Variants in PLS3 observed in about 807,000 individuals in gnomAD.
PLS3 encodes plastin-3.
A neutral mutation model predicts 46.5 loss-of-function variants in PLS3; 11 were observed. That is an observed-to-expected ratio of 0.24 (90% CI 0.15 to 0.39). The LOEUF is 0.39. Ranked by LOEUF, PLS3 falls within the 10% of genes least tolerant of loss-of-function variation. The pLI, the probability that PLS3 is intolerant of heterozygous loss-of-function variation, is 1.00. For synonymous variants in PLS3, 167 were observed against 162.2 expected (o/e 1.03, Z -0.22); for missense variants, 308 against 461.8 (o/e 0.67, Z 3.05).
chrX:115,607,781 G>A (rs2074508963), intron 1 of PLS3, among the ~76,000 whole-genome samples: 1 of 112,109 alleles, frequency 8.9e-6, no homozygotes, highest in South Asian at 3.7e-4. Context: ...GGGATTACAG[G>A]CGTGAGCCAG....
At chrX:115,595,366 T>A (rs2147451278) in intron 1 of PLS3, among the ~76,000 whole-genome samples, 1 of 111,575 alleles carries the variant, frequency 9.0e-6, no homozygotes, top group East Asian at 2.8e-4. Context: ...TAGCTAATGA[T>A]CAATTATAGC....
chrX:115,595,766 G>T (rs1309164838), intron 1 of PLS3, among the ~76,000 whole-genome samples: 1 of 94,681 alleles, frequency 1.1e-5, no homozygotes, highest in Non-Finnish European at 2.0e-5. Context: ...CTTGGCTCAT[G>T]CAACCTCCAC....
chrX:115,562,734 G>T (rs2074147771), intron 1 of PLS3: 1 of 111,068 alleles, frequency 9.0e-6, no homozygotes, highest in Admixed American at 9.6e-5. Context: ...ATACCAGTTG[G>T]AATCACGTGC....
rs782583925 is a variant in PLS3 at position 115,646,545 on chromosome X, A to T, written c.1511+10A>T. On this transcript the variant is annotated intron_variant, in intron 13 of 15. Transcript: ENST00000355899. Reference sequence around the variant, plus strand: ...GGCAGCTGATGAGAAGGTATAGTACACAATTTTAGCTGTTTAGTCTTTACT... The same window carrying T: ...GGCAGCTGATGAGAAGGTATAGTACTCAATTTTAGCTGTTTAGTCTTTACT... The T allele has an allele frequency of 1.7e-6, 2 of 1,201,411 alleles. No homozygotes were observed. The highest frequency in any genetic ancestry group is 5.9e-5 in the East Asian group (2 of 33,659).
At chrX:115,616,037 T>G (rs114381259) in intron 2 of PLS3, among the ~76,000 whole-genome samples, 4,263 of 111,931 alleles carry the variant, frequency 0.038, 202 homozygotes, top group African/African-American at 0.13. Context: ...CTGCCATCAT[T>G]CCTGGTGGTT....
chrX:115,622,905 G>A (rs1332998442), intron 3 of PLS3, among the ~76,000 whole-genome samples: 3 of 111,594 alleles, frequency 2.7e-5, no homozygotes, highest in Non-Finnish European at 5.6e-5. Flanking sequence ...ATAATTAAAA[G>A]TTTGAAGCAT....
At chrX:115,601,959 C>A (rs1393261427) in intron 1 of PLS3, among the ~76,000 whole-genome samples, 1 of 111,909 alleles carries the variant, frequency 8.9e-6, no homozygotes, top group African/African-American at 3.2e-5. Context: ...TTGGCCACTT[C>A]TAAATTGGAC....
At chrX:115,573,181 T>G (rs186984590) in intron 1 of PLS3, among the ~76,000 whole-genome samples, 12 of 110,387 alleles carry the variant, frequency 1.1e-4, no homozygotes, top group Non-Finnish European at 1.9e-4. Context: ...ATAAAATAAT[T>G]TCTAAATATA....
At chrX:115,582,046 T>C (rs1461476607) in intron 1 of PLS3, among the ~76,000 whole-genome samples, 1 of 112,414 alleles carries the variant, frequency 8.9e-6, no homozygotes, top group African/African-American at 3.2e-5. Flanking sequence ...TGGTACTCAT[T>C]GTAAACATAT....
chrX:115,648,435 G>C (rs1556642049), intron 15 of PLS3, among the ~76,000 whole-genome samples: 1 of 111,059 alleles, frequency 9.0e-6, no homozygotes, highest in Non-Finnish European at 1.9e-5. Flanking sequence ...TACATTTATT[G>C]AATTTATCTT....
chrX:115,642,038 CTTT>C lies in PLS3; in HGVS notation c.988-1255_988-1253del, dbSNP rs782288958. On this transcript the variant is annotated intron_variant, in intron 9 of 15. Transcript: ENST00000355899. The stretch of plus-strand genomic sequence containing the variant: ...TTCAGCTTTACACCTTCTTTAGGGT[CTTT>C]TTTTTTTTTTTTTTTTTTTAAGAGA... Among the ~76,000 whole-genome samples, 187 of 65,695 alleles carry C rather than the reference CTTT, an allele frequency of 2.8e-3. 1 individual carries two copies. The highest frequency in any genetic ancestry group is 9.8e-3 in the African/African-American group (161 of 16,387). The allele number at this position is 65,695 out of a possible 115,157, so 57.0% of individuals were successfully genotyped here. A position where few individuals can be genotyped will look rare whatever the true frequency, so the allele number is the denominator to read the frequency against.
intron 8 of PLS3, among the ~76,000 whole-genome samples, chrX:115,639,004 G>C (rs1288729208): frequency 8.1e-5 from 9 of 111,412 alleles, no homozygotes; most frequent in African/African-American, 2.9e-4. Flanking sequence ...ATGAGTCACC[G>C]CCCCCGGCCA....
intron 3 of PLS3, among the ~76,000 whole-genome samples, chrX:115,627,246 A>G (rs1556638620): frequency 8.9e-6 from 1 of 111,962 alleles, no homozygotes; most frequent in Non-Finnish European, 1.9e-5. Flanking sequence ...ACAAATTTGG[A>G]TTTATTTTTT....
intron 8 of PLS3, chrX:115,640,169 T>C: frequency 4.0e-6 from 4 of 994,037 alleles, no homozygotes; most frequent in Non-Finnish European, 4.1e-6. Context: ...ATTAGCATTA[T>C]TGTATTGATG....
In PLS3 at chrX:115,622,254, A is replaced by G; in HGVS notation, c.82A>G (p.Ser28Gly). The G allele has an allele frequency of 8.3e-7, 1 of 1,197,885 alleles. No individual in the cohort carries two copies. Among genetic ancestry groups the G allele is most frequent in the Non-Finnish European group, 1.1e-6 (1 of 889,271 alleles). The change falls in exon 3 of 16, where the codon AGC becomes GGC. Residue 28 changes from serine to glycine, a missense_variant. Ser to Gly is a moderately conservative substitution (Grantham distance 56). Coordinates refer to ENST00000355899, the MANE Select transcript of PLS3 (RefSeq NM_005032.7). Reference sequence around the variant, plus strand: ...TCTCCTTTTTTACAAAGATCTCAACAGCAACGGATTCATTTGTGACTATGA... The same window carrying G: ...TCTCCTTTTTTACAAAGATCTCAACGGCAACGGATTCATTTGTGACTATGA... ...KEAFAKVDLN[S>G]NGFICDYELH...
intron 2 of PLS3, among the ~76,000 whole-genome samples, chrX:115,619,743 C>A (rs2074630875): frequency 8.9e-6 from 1 of 112,315 alleles, no homozygotes; most frequent in South Asian, 3.7e-4. Context: ...CATGATGGTG[C>A]CCACCTTTGG....
intron 6 of PLS3, among the ~76,000 whole-genome samples, 182 bp from the exon 7 acceptor site, chrX:115,634,699 T>C (rs1556639902): frequency 8.9e-6 from 1 of 112,450 alleles, no homozygotes; most frequent in Non-Finnish European, 1.9e-5. Flanking sequence ...AAGGCTGAAA[T>C]TTGTCTTAGC....
chrX:115,596,460 C>T (rs181964923), intron 1 of PLS3, among the ~76,000 whole-genome samples: 46 of 111,586 alleles, frequency 4.1e-4, no homozygotes, highest in Non-Finnish European at 7.2e-4. Context: ...GATGTCATCA[C>T]GCTGAAAGCT....
intron 3 of PLS3, among the ~76,000 whole-genome samples, chrX:115,626,903 G>T (rs1273256846): frequency 6.1e-5 from 6 of 97,977 alleles, no homozygotes; most frequent in Admixed American, 1.1e-4. Flanking sequence ...AGGCTGAAGT[G>T]CAGTGGCCCA....
Sources: gnomAD v4.1 joint callset for allele counts (sites outside exome capture counted in the v4.1 genomes callset) on GRCh38, gnomAD v4.1.1 for gene constraint, MANE v1.5 for transcripts, NCBI Gene and HGNC (gene_info 2026-07-23, HGNC 2026-07-21) for gene names.